Variants in LRPAP1 observed in about 807,000 individuals in gnomAD.
LRPAP1 encodes the protein LDL receptor related protein associated protein 1.
LRPAP1 carries 41 observed loss-of-function variants against 39.9 expected under a neutral mutation model. That is an observed-to-expected ratio of 1.03 (90% CI 0.80 to 1.33). The LOEUF (loss-of-function observed/expected upper bound fraction) is 1.33. Among genes scored for constraint, LRPAP1 ranks in the 40% most tolerant of loss-of-function variants. The probability of loss-of-function intolerance (pLI) is 0.00; values close to 1 mark genes in which losing one functional copy is unlikely to be tolerated. For synonymous variants in LRPAP1, 263 were observed against 212.7 expected (o/e 1.24, Z -2.06); for missense variants, 565 against 482.3 (o/e 1.17, Z -1.61).
chr4:3,518,985 T>A lies in LRPAP1; in HGVS notation c.478A>T (p.Thr160Ser). The A allele has an allele frequency of 1.2e-6, 2 of 1,613,592 alleles. No homozygotes were observed. Among genetic ancestry groups the A allele is most frequent in the South Asian group, 1.1e-5 (1 of 91,048 alleles). Residue 160 changes from threonine (T) to serine (S), a missense_variant, in exon 4 of 8, where the codon ACC becomes TCC. By Grantham distance (58) the Thr-to-Ser change is moderately conservative. Coordinates refer to ENST00000650182, the MANE Select transcript of LRPAP1 (RefSeq NM_002337.4). ...RLEKLWHKAK[T>S]SGKFSGEELD... is the part of the protein sequence containing the mutation. ...TCTTCGCCGGAGAATTTCCCAGAGG[T>A]CTTCGCCTAAGAGGGAAACAAGGCC...
At chr4:3,514,280 C>G (rs370026545) in intron 7 of LRPAP1, among the ~76,000 whole-genome samples, 3 of 152,380 alleles carry the variant, frequency 2.0e-5, no homozygotes, top group East Asian at 3.9e-4. Flanking sequence ...CCAGCTCCCT[C>G]CAGAAAGAAC....
chr4:3,515,102 C>T (rs527770596), intron 6 of LRPAP1, among the ~76,000 whole-genome samples, 174 bp from the exon 7 acceptor site: 17 of 152,314 alleles, frequency 1.1e-4, no homozygotes, highest in African/African-American at 3.9e-4. Flanking sequence ...ACACTAGCAA[C>T]GGGTCCCAGC....
At chr4:3,529,659 AG>A (rs1163183331) in intron 1 of LRPAP1, among the ~76,000 whole-genome samples, 1 of 152,162 alleles carries the variant, frequency 6.6e-6, no homozygotes, top group East Asian at 1.9e-4. Context: ...TCAAGATTCA[AG>A]TTGCTGGAGA....
chr4:3,518,864 G>A lies in LRPAP1; in HGVS notation c.592+7C>T, dbSNP rs928236868. 3 of 1,564,660 alleles carry A rather than the reference G, an allele frequency of 1.9e-6. No homozygotes were observed. Among genetic ancestry groups the A allele is most frequent in the East Asian group, 2.3e-5 (1 of 42,908 alleles). On this transcript the variant is annotated splice_region_variant and intron_variant, in intron 4 of 7. Transcript: ENST00000650182. ...AGAGGGCAGGAGGGGGTGGGGGCGG[G>A]GGGCACCTTCGGTCCTGCTCAGGGT...
Position 3,505,079 on chromosome 4 carries a change from T to G in LRPAP1, c.*7895A>C, listed in dbSNP as rs894428905. On this transcript the variant is annotated 3_prime_UTR_variant, in exon 8 of 8. Coordinates refer to ENST00000650182, the MANE Select transcript of LRPAP1 (RefSeq NM_002337.4). ...CAGAGGCTAAAATAATCATGTGCCC[T>G]ACCATGCACGCAGCCATGGTGGCCC... Among the ~76,000 whole-genome samples, 17 of 152,226 alleles carry G rather than the reference T, an allele frequency of 1.1e-4. No homozygotes were observed. Among genetic ancestry groups the G allele is most frequent in the African/African-American group, 3.9e-4 (16 of 41,468 alleles).
chr4:3,506,997 A>C lies in LRPAP1; in HGVS notation c.*5977T>G, dbSNP rs1729373816. On this transcript the variant is annotated 3_prime_UTR_variant, in exon 8 of 8. Coordinates refer to ENST00000650182, the MANE Select transcript of LRPAP1 (RefSeq NM_002337.4). Reference sequence around the variant, plus strand: ...TCCGCGAGGTGGAGGCAGGTGAATCACTTGAGACCAGGACTCCGAGACCAG... The same window carrying C: ...TCCGCGAGGTGGAGGCAGGTGAATCCCTTGAGACCAGGACTCCGAGACCAG... 1 of 152,256 alleles carries C rather than the reference A, an allele frequency of 6.6e-6. No homozygotes were observed. The highest frequency in any genetic ancestry group is 1.5e-5 in the Non-Finnish European group (1 of 68,032). The allele number at this position is 152,256 out of a possible 1,614,324, so 9.4% of individuals were successfully genotyped here.
Position 3,517,913 on chromosome 4 carries a change from G to A in LRPAP1, c.751+121C>T. On this transcript the variant is annotated intron_variant, in intron 5 of 7. Coordinates refer to ENST00000650182, the MANE Select transcript of LRPAP1 (RefSeq NM_002337.4). ...CCGTGGGTAGACTGAGCGCGCCGAGGGTCTCCGCTGCGTCCACAGGCCCAG... is the reference window on the plus strand; with the variant it reads ...CCGTGGGTAGACTGAGCGCGCCGAGAGTCTCCGCTGCGTCCACAGGCCCAG... The A allele has an allele frequency of 1.2e-5, 15 of 1,293,288 alleles. 1 individual carries two copies. In the South Asian group the frequency reaches 2.1e-4, roughly 18 times the overall value. The allele number at this position is 1,293,288 out of a possible 1,614,324, so 80.1% of individuals were successfully genotyped here. A position where few individuals can be genotyped will look rare whatever the true frequency, so the allele number is the denominator to read the frequency against.
Position 3,517,734 on chromosome 4 carries a change from C to T in LRPAP1, c.751+300G>A, listed in dbSNP as rs1034901561. On this transcript the variant is annotated intron_variant, in intron 5 of 7. Coordinates refer to ENST00000650182, the MANE Select transcript of LRPAP1 (RefSeq NM_002337.4). ...TCTCTGTTCTTGGCCAACAGCAGCA[C>T]GGGAGGGGCCGTGCTGCTGAGGCTG... is the stretch of plus-strand genomic sequence containing the variant. 8.1e-4 allele frequency: 247 copies of T among 306,700 alleles called. 6 individuals are homozygous for T. Among genetic ancestry groups the T allele is most frequent in the South Asian group, 7.5e-4 (10 of 13,376 alleles). 19.0% of individuals were successfully genotyped at this position (306,700 alleles called of 1,614,324 possible).
At chr4:3,515,559 G>A (rs1456937999) in intron 6 of LRPAP1, among the ~76,000 whole-genome samples, 1 of 152,134 alleles carries the variant, frequency 6.6e-6, no homozygotes, top group African/African-American at 2.4e-5. Flanking sequence ...TAGGGACCCT[G>A]GGTGAACTCA....
intron 1 of LRPAP1, among the ~76,000 whole-genome samples, chr4:3,529,107 G>C (rs565397930): frequency 1.4e-3 from 213 of 152,158 alleles, no homozygotes; most frequent in African/African-American, 4.7e-3. Flanking sequence ...AGGATCACTT[G>C]AGCCCAGGAG....
chr4:3,530,283 G>A (rs1730209579), intron 1 of LRPAP1, among the ~76,000 whole-genome samples: 1 of 152,056 alleles, frequency 6.6e-6, no homozygotes, highest in Non-Finnish European at 1.5e-5. Flanking sequence ...TGCACACTTG[G>A]CTCCAGGATA....
In LRPAP1 at chr4:3,524,827, T is replaced by G. The variant is rs73197145; in HGVS notation, c.349+80A>C. On this transcript the variant is annotated intron_variant, in intron 2 of 7. Transcript: ENST00000650182. ...AATATTCCCAAATCCAAAAACAAAA[T>G]CCGACATCCAAAACACTGCCGCTCT... The G allele has an allele frequency of 4.6e-3, 7,044 of 1,516,092 alleles. 23 individuals carry two copies. The highest frequency in any genetic ancestry group is 5.9e-3 in the Non-Finnish European group (6,505 of 1,098,364). The allele number at this position is 1,516,092 out of a possible 1,614,324, so 93.9% of individuals were successfully genotyped here.
intron 2 of LRPAP1, among the ~76,000 whole-genome samples, 187 bp downstream of exon 2, chr4:3,524,720 C>G (rs1032503986): frequency 6.6e-6 from 1 of 152,252 alleles, no homozygotes; most frequent in Non-Finnish European, 1.5e-5. Context: ...GGGTGAGCCC[C>G]CAACACAAAT....
In LRPAP1 at chr4:3,506,305, A is replaced by G. The variant is rs1300514161; in HGVS notation, c.*6669T>C. Reference sequence around the variant, plus strand: ...GGTCTCAAACTCCTGGCCTCAAGTGATCTGCCCGCCTCAGCCTCCCAAAGT... The same window carrying G: ...GGTCTCAAACTCCTGGCCTCAAGTGGTCTGCCCGCCTCAGCCTCCCAAAGT... On this transcript the variant is annotated 3_prime_UTR_variant, in exon 8 of 8. Coordinates refer to ENST00000650182, the MANE Select transcript of LRPAP1 (RefSeq NM_002337.4). 6.6e-6 allele frequency: 1 copy of G among 150,448 alleles called. No homozygotes were observed. The highest frequency in any genetic ancestry group is 1.5e-5 in the Non-Finnish European group (1 of 67,886). 9.3% of individuals were successfully genotyped at this position (150,448 alleles called of 1,614,324 possible).
chr4:3,518,812 G>T, intron 4 of LRPAP1, 59 bp downstream of exon 4: 1 of 1,175,492 alleles, frequency 8.5e-7, no homozygotes, highest in Non-Finnish European at 1.2e-6. Flanking sequence ...AGGTGCAGGA[G>T]GGGTGGGGGG....
chr4:3,514,688 G>A (rs1729634633), intron 7 of LRPAP1, 64 bp downstream of exon 7: 1 of 1,529,084 alleles, frequency 6.5e-7, no homozygotes, highest in East Asian at 2.3e-5. Flanking sequence ...TGAGCTGCAT[G>A]TGGGCGGCCT....
At chr4:3,528,517 C>T (rs1162833542) in intron 1 of LRPAP1, among the ~76,000 whole-genome samples, 1 of 152,228 alleles carries the variant, frequency 6.6e-6, no homozygotes, top group Non-Finnish European at 1.5e-5. Flanking sequence ...CTGGTGTCAA[C>T]CTGCACACAC....
At chr4:3,520,228 TC>T in intron 2 of LRPAP1, 35 bp from the exon 3 acceptor site, 1 of 1,597,944 alleles carries the variant, frequency 6.3e-7, no homozygotes, top group Non-Finnish European at 8.6e-7. Context: ...TGATATGGTT[TC>T]CTGTGAAAAA....
intron 2 of LRPAP1, among the ~76,000 whole-genome samples, chr4:3,522,692 AC>A (rs1560258740): frequency 3.0e-5 from 2 of 67,152 alleles, no homozygotes; most frequent in South Asian, 5.9e-4. Context: ...CCTGGGGAGG[AC>A]AGACGCCGCC....
Sources: gnomAD v4.1 joint callset for allele counts (sites outside exome capture counted in the v4.1 genomes callset) on GRCh38, gnomAD v4.1.1 for gene constraint, MANE v1.5 for transcripts, NCBI Gene and HGNC (gene_info 2026-07-23, HGNC 2026-07-21) for gene names.